The following ANKS1B variants were observed in gnomAD, a reference collection of about 807,000 sequenced individuals.
ANKS1B encodes ankyrin repeat and sterile alpha motif domain-containing protein 1B.
A neutral mutation model predicts 148.3 loss-of-function variants in ANKS1B; 36 were observed. The observed-to-expected ratio is 0.24, with a 90% CI of 0.19 to 0.32. The LOEUF (loss-of-function observed/expected upper bound fraction) is 0.32. ANKS1B is among the 10% of genes least tolerant of loss of function. ANKS1B has a pLI of 1.00. For missense variants in ANKS1B, 1,157 were observed against 1,542.6 expected (o/e 0.75, Z 4.19); for synonymous variants, 542 against 560.8 (o/e 0.97, Z 0.47).
At chr12:98,966,703 G>T (rs1322320666) in intron 17 of ANKS1B, among the ~76,000 whole-genome samples, 1 of 152,150 alleles carries the variant, frequency 6.6e-6, no homozygotes, top group East Asian at 1.9e-4. Flanking sequence ...TATACACCAT[G>T]GAATACTATG....
intron 17 of ANKS1B, among the ~76,000 whole-genome samples, chr12:99,047,210 G>T (rs1387723208): frequency 1.3e-5 from 2 of 152,094 alleles, no homozygotes; most frequent in Admixed American, 1.3e-4. Flanking sequence ...GACCAGCCTG[G>T]CCAACATGGT....
intron 9 of ANKS1B, among the ~76,000 whole-genome samples, chr12:99,514,133 T>A (rs2096793082): frequency 6.6e-6 from 1 of 152,058 alleles, no homozygotes; most frequent in Non-Finnish European, 1.5e-5. Flanking sequence ...CATTAGTTGA[T>A]AAGATAAATG....
intron 17 of ANKS1B, among the ~76,000 whole-genome samples, chr12:98,988,112 G>C (rs2099924501): frequency 6.6e-6 from 1 of 152,080 alleles, no homozygotes; most frequent in Non-Finnish European, 1.5e-5. Context: ...TATTTTTGTG[G>C]TGAGAACACT....
At chr12:99,704,625 A>T (rs968839534) in intron 8 of ANKS1B, among the ~76,000 whole-genome samples, 2 of 152,024 alleles carry the variant, frequency 1.3e-5, no homozygotes, top group Admixed American at 1.3e-4. Flanking sequence ...TTCAAAAGTG[A>T]AGCTAAATTA....
chr12:98,971,897 G>T (rs1392373830), intron 17 of ANKS1B, among the ~76,000 whole-genome samples: 5 of 151,108 alleles, frequency 3.3e-5, no homozygotes, highest in Non-Finnish European at 5.9e-5. Context: ...GCCAGGTGCG[G>T]TGGCTCATAC....
intron 1 of ANKS1B, among the ~76,000 whole-genome samples, chr12:99,915,737 A>C (rs1300844817): frequency 1.3e-5 from 2 of 152,216 alleles, no homozygotes; most frequent in Non-Finnish European, 1.5e-5. Context: ...GCTGTCACGA[A>C]CTAAGTGACT....
intron 1 of ANKS1B, among the ~76,000 whole-genome samples, chr12:99,944,224 A>G (rs1269704153): frequency 6.6e-6 from 1 of 152,200 alleles, no homozygotes; most frequent in Non-Finnish European, 1.5e-5. Context: ...ACAGTCACCA[A>G]TAAGGGAATT....
At chr12:99,163,874 T>C (rs1382406462) in intron 14 of ANKS1B, among the ~76,000 whole-genome samples, 2 of 152,152 alleles carry the variant, frequency 1.3e-5, no homozygotes, top group East Asian at 3.9e-4. Context: ...TCTTCCAGAG[T>C]GGCTGTACCA....
intron 17 of ANKS1B, among the ~76,000 whole-genome samples, chr12:98,904,416 A>T (rs2099776213): frequency 6.6e-6 from 1 of 152,262 alleles, no homozygotes; most frequent in South Asian, 2.1e-4. Context: ...AGGACACATG[A>T]TAGCTCTACA....
chr12:99,260,840 A>C (rs1444997026), intron 12 of ANKS1B, among the ~76,000 whole-genome samples: 20 of 152,174 alleles, frequency 1.3e-4, no homozygotes, highest in Non-Finnish European at 1.5e-5. Flanking sequence ...CAGAGAGCCT[A>C]AACAAAAGGC....
At chr12:99,783,770 G>A (rs79560671) in intron 4 of ANKS1B, among the ~76,000 whole-genome samples, 1,868 of 152,142 alleles carry the variant, frequency 0.012, 44 homozygotes, top group African/African-American at 0.042. Context: ...GTGATTGACT[G>A]CGAAATTACA....
intron 4 of ANKS1B, among the ~76,000 whole-genome samples, chr12:99,784,490 C>CATTTCATATTGCTTATT (rs2064783236): frequency 6.6e-6 from 1 of 151,978 alleles, no homozygotes; most frequent in Non-Finnish European, 1.5e-5. Context: ...CTTTCATAAT[C>CATTTCATATTGCTTATT]ATTTCATATT....
intron 4 of ANKS1B, among the ~76,000 whole-genome samples, chr12:99,798,014 G>A (rs982258118): frequency 2.6e-5 from 4 of 151,776 alleles, no homozygotes; most frequent in Non-Finnish European, 4.4e-5. Context: ...TTTTAAAGTC[G>A]TTTTTAGGTT....
chr12:99,621,462 A>G (rs1425417278), intron 9 of ANKS1B, among the ~76,000 whole-genome samples: 3 of 93,876 alleles, frequency 3.2e-5, no homozygotes, highest in South Asian at 3.6e-4. Flanking sequence ...GGCAAATTGG[A>G]AAAAAAAAAA....
At chr12:99,078,532 C>T (rs1599548634) in intron 16 of ANKS1B, among the ~76,000 whole-genome samples, 1 of 152,222 alleles carries the variant, frequency 6.6e-6, no homozygotes, top group South Asian at 2.1e-4. Context: ...AGACATGTGC[C>T]TCTTTTTTGA....
intron 1 of ANKS1B, among the ~76,000 whole-genome samples, chr12:99,978,057 T>C (rs2095649790): frequency 6.6e-6 from 1 of 152,232 alleles, no homozygotes; most frequent in Admixed American, 6.5e-5. Context: ...TGTTCTATCA[T>C]AGGCTTCTGA....
chr12:98,821,914 T>C (rs898825149), intron 19 of ANKS1B, among the ~76,000 whole-genome samples: 5 of 51,878 alleles, frequency 9.6e-5, no homozygotes, highest in Non-Finnish European at 2.2e-4. Context: ...GGCCTGGGAC[T>C]TTTTTTTTTT....
At chr12:99,543,366 C>T (rs551648713) in intron 9 of ANKS1B, among the ~76,000 whole-genome samples, 20 of 152,078 alleles carry the variant, frequency 1.3e-4, no homozygotes, top group Admixed American at 6.6e-5. Context: ...TCATACATTG[C>T]TGGTGGTATT....
chr12:99,350,156 G>C (rs981212580), intron 12 of ANKS1B, among the ~76,000 whole-genome samples: 1 of 151,890 alleles, frequency 6.6e-6, no homozygotes, highest in African/African-American at 2.4e-5. Flanking sequence ...TGTTTCAAAT[G>C]TGTAGCACCT....
Sources: allele counts gnomAD v4.1 joint callset (sites outside exome capture counted in the v4.1 genomes callset), GRCh38; gene constraint gnomAD v4.1.1; transcripts MANE v1.5; gene names NCBI Gene and HGNC (gene_info 2026-07-23, HGNC 2026-07-21).